PYGO1: variants seen among roughly 807,000 people sequenced by gnomAD.
The protein encoded by PYGO1 is pygopus homolog 1.
Under a neutral mutation model 29.5 loss-of-function variants are expected in PYGO1, and 6 were observed. That is an observed-to-expected ratio of 0.20 (90% CI 0.11 to 0.40). The LOEUF (loss-of-function observed/expected upper bound fraction) is 0.40, where lower values mean the gene tolerates loss of function less well. Ranked by LOEUF, PYGO1 falls within the 10% of genes least tolerant of loss-of-function variation. PYGO1 has a pLI of 1.00. For missense variants in PYGO1, 515 were observed against 514.9 expected, an observed-to-expected ratio of 1.00 and a Z score of 0.00; for synonymous variants, 186 against 180.5, an observed-to-expected ratio of 1.03 and a Z score of -0.24.
At chr15:55,570,382 C>T (rs1243071413) in intron 1 of PYGO1, among the ~76,000 whole-genome samples, 3 of 152,004 alleles carry the variant, frequency 2.0e-5, no homozygotes, top group Non-Finnish European at 4.4e-5. Flanking sequence ...TCAAATTTTA[C>T]TCTGATTTAT....
intron 1 of PYGO1, among the ~76,000 whole-genome samples, chr15:55,581,267 T>C (rs1370067355): frequency 6.6e-6 from 1 of 152,070 alleles, no homozygotes; most frequent in Non-Finnish European, 1.5e-5. Context: ...GCAGAAGGGA[T>C]AGAATATGCA....
chr15:55,551,465 G>T (rs984570012), intron 1 of PYGO1, among the ~76,000 whole-genome samples: 2 of 151,916 alleles, frequency 1.3e-5, no homozygotes, highest in Non-Finnish European at 2.9e-5. Flanking sequence ...ATATCACAAG[G>T]GGAAAAAACC....
In PYGO1 at chr15:55,545,074, CA is replaced by C. The variant is rs2058843708; in HGVS notation, c.*948del. Reference sequence around the variant, plus strand: ...ATTTTTGAAATTCAGATCCCCAGAACAAGATTTTTCAAACCACCACTGAGTA... The same window carrying C: ...ATTTTTGAAATTCAGATCCCCAGAACAGATTTTTCAAACCACCACTGAGTA... On this transcript the variant is annotated 3_prime_UTR_variant, in exon 3 of 3. Coordinates refer to ENST00000563719, the MANE Select transcript of PYGO1 (RefSeq NM_001367806.1). 1 of 151,652 alleles carries C rather than the reference CA, an allele frequency of 6.6e-6. No homozygotes were observed. The highest frequency in any genetic ancestry group is 1.5e-5 in the Non-Finnish European group (1 of 67,788). 9.4% of individuals were successfully genotyped at this position (151,652 alleles called of 1,614,324 possible).
At chr15:55,555,178 A>C (rs1475115458) in intron 1 of PYGO1, among the ~76,000 whole-genome samples, 2 of 152,196 alleles carry the variant, frequency 1.3e-5, no homozygotes, top group South Asian at 2.1e-4. Flanking sequence ...GAAACCCTAC[A>C]TGCCACAAGG....
At position 55,571,495 on chromosome 15, in the gene PYGO1, T is replaced by G. The variant is rs527328819; in HGVS notation, c.49+16340A>C. The stretch of plus-strand genomic sequence containing the variant: ...GATCTGGTAGGAGGTAACTGAATCA[T>G]GGGGGCAGGTCTTTCCTATGCTGGT... On this transcript the variant is annotated intron_variant, in intron 1 of 2. Transcript: ENST00000563719. Among the ~76,000 whole-genome samples, 3 of 152,290 alleles carry G rather than the reference T, an allele frequency of 2.0e-5. No individual in the cohort carries two copies. The South Asian group carries it at 6.2e-4, about 32-fold the overall frequency.
chr15:55,555,361 AC>A (rs1219277766), intron 1 of PYGO1, among the ~76,000 whole-genome samples: 7 of 152,014 alleles, frequency 4.6e-5, no homozygotes, highest in Non-Finnish European at 8.8e-5. Context: ...TGAAGGAAGC[AC>A]TAAATATGGA....
rs116949583 is a variant in PYGO1 at position 55,552,493 on chromosome 15, G to A, written c.50-3498C>T. Among the ~76,000 whole-genome samples the A allele has an allele frequency of 3.2e-3, 480 of 151,874 alleles. 3 individuals are homozygous for A. Among genetic ancestry groups the A allele is most frequent in the Admixed American group, 8.8e-3 (134 of 15,244 alleles). On this transcript the variant is annotated intron_variant, in intron 1 of 2. Coordinates refer to ENST00000563719, the MANE Select transcript of PYGO1 (RefSeq NM_001367806.1). ...GTTCTCACAATGGGACTGACCAAGT[G>A]AACAACTTGACCCACAGAGAATGAA...
intron 1 of PYGO1, among the ~76,000 whole-genome samples, chr15:55,587,389 G>A (rs1470133792): frequency 6.6e-6 from 1 of 151,176 alleles, no homozygotes; most frequent in African/African-American, 2.4e-5. Context: ...GGGGCGAGAA[G>A]GGGGCCAGGA....
intron 1 of PYGO1, among the ~76,000 whole-genome samples, chr15:55,558,132 A>G (rs1171421176): frequency 6.6e-6 from 1 of 152,226 alleles, no homozygotes; most frequent in East Asian, 1.9e-4. Context: ...CCTTAAACAG[A>G]TAAGCAACTT....
upstream of PYGO1, chr15:55,588,908 T>C: frequency 1.3e-6 from 2 of 1,522,756 alleles, no homozygotes; most frequent in Admixed American, 1.7e-5. Context: ...TGGACACCTG[T>C]CTGTAGAATG....
chr15:55,543,322 A>G lies in PYGO1; in HGVS notation c.*2701T>C, dbSNP rs943674068. The G allele has an allele frequency of 1.3e-5, 2 of 152,228 alleles. No homozygotes were observed. The highest frequency in any genetic ancestry group is 2.9e-5 in the Non-Finnish European group (2 of 68,030). The allele number at this position is 152,228 out of a possible 1,614,324, so 9.4% of individuals were successfully genotyped here. A position where few individuals can be genotyped will look rare whatever the true frequency, so the allele number is the denominator to read the frequency against. On this transcript the variant is annotated 3_prime_UTR_variant, in exon 3 of 3. Transcript: ENST00000563719. Reference sequence around the variant, plus strand: ...TCCAAAAGCATCTATATAACTTTTGACTTAGCATTATGTAGAGACAAATGT... The same window carrying G: ...TCCAAAAGCATCTATATAACTTTTGGCTTAGCATTATGTAGAGACAAATGT...
At chr15:55,570,975 T>C (rs2058977746) in intron 1 of PYGO1, among the ~76,000 whole-genome samples, 2 of 152,208 alleles carry the variant, frequency 1.3e-5, no homozygotes, top group African/African-American at 4.8e-5. Flanking sequence ...CCAGAATGTT[T>C]TCATCTTGTA....
At chr15:55,584,630 A>G (rs1295157450) in intron 1 of PYGO1, among the ~76,000 whole-genome samples, 1 of 152,204 alleles carries the variant, frequency 6.6e-6, no homozygotes, top group African/African-American at 2.4e-5. Flanking sequence ...ACTATCAGAA[A>G]GCAGCATAAT....
intron 1 of PYGO1, among the ~76,000 whole-genome samples, chr15:55,574,208 T>C (rs187572496): frequency 6.8e-4 from 103 of 152,364 alleles, no homozygotes; most frequent in Non-Finnish European, 1.1e-3. Context: ...AATGAACTGC[T>C]TTCATAGAGA....
rs546121595 is a variant in PYGO1, at chr15:55,546,724, T to C, written c.559A>G (p.Ile187Val). 2.0e-5 allele frequency: 32 copies of C among 1,613,990 alleles called. No homozygotes were observed. In the East Asian group the frequency reaches 6.5e-4, roughly 33 times the overall value. ...RQNPAENFSQ[I>V]PPQNASQVSN... ...ACTTGGCTAGCATTCTGTGGAGGAA[T>C]TTGACTGAAATTTTCAGCAGGATTT... The change falls in exon 3 of 3, where the codon ATT becomes GTT. Residue 187 changes from isoleucine to valine, a missense_variant. Ile to Val is a conservative substitution (Grantham distance 29, BLOSUM62 3). Transcript: ENST00000563719.
At chr15:55,567,458 G>T (rs757404977) in intron 1 of PYGO1, among the ~76,000 whole-genome samples, 2 of 151,724 alleles carry the variant, frequency 1.3e-5, no homozygotes, top group Non-Finnish European at 2.9e-5. Context: ...TAATGGGGTT[G>T]TTTGTTTTTG....
At chr15:55,588,808 C>G (rs1189066235), upstream of PYGO1, 2 of 1,613,792 alleles carry the variant, frequency 1.2e-6, no homozygotes, top group Non-Finnish European at 1.7e-6. Context: ...ACGTACCATG[C>G]GAGGAAACTT....
Position 55,543,423 on chromosome 15 carries a change from T to C in PYGO1, c.*2600A>G, listed in dbSNP as rs946733975. The C allele has an allele frequency of 6.6e-6, 1 of 152,214 alleles. No individual in the cohort carries two copies. The highest frequency in any genetic ancestry group is 6.5e-5 in the Admixed American group (1 of 15,268). 9.4% of individuals were successfully genotyped at this position (152,214 alleles called of 1,614,324 possible). On this transcript the variant is annotated 3_prime_UTR_variant, in exon 3 of 3. Coordinates refer to ENST00000563719, the MANE Select transcript of PYGO1 (RefSeq NM_001367806.1). ...TGATTACAGTTTGGCTATGATTCAC[T>C]ATCAGAATGAACCGTGAGTTTTTCT... is the stretch of plus-strand genomic sequence containing the variant.
At chr15:55,588,961 C>G, upstream of PYGO1, 2 of 934,790 alleles carry the variant, frequency 2.1e-6, no homozygotes, top group Non-Finnish European at 3.3e-6. Flanking sequence ...CAAGAAAGAG[C>G]GACGTAGAAT....
Sources: gnomAD v4.1 joint callset for allele counts (sites outside exome capture counted in the v4.1 genomes callset) on GRCh38, gnomAD v4.1.1 for gene constraint, MANE v1.5 for transcripts, NCBI Gene and HGNC (gene_info 2026-07-23, HGNC 2026-07-21) for gene names.